The following ST6GALNAC3 variants were observed in gnomAD, a reference collection of about 807,000 sequenced individuals.
The protein encoded by ST6GALNAC3 is ST6 N-acetylgalactosaminide alpha-2,6-sialyltransferase 3.
ST6GALNAC3 carries 25 observed loss-of-function variants against 32.7 expected under a neutral mutation model. The observed-to-expected ratio is 0.76, with a 90% confidence interval of 0.56 to 1.07. The LOEUF (loss-of-function observed/expected upper bound fraction) is 1.07. ST6GALNAC3 is among the 50% of genes least tolerant of loss of function. ST6GALNAC3 has a pLI of 0.00. For synonymous variants in ST6GALNAC3, 129 were observed against 133.1 expected (o/e 0.97, Z 0.21); for missense variants, 355 against 382.4 (o/e 0.93, Z 0.60).
chr1:76,441,271 C>T (rs1264045939), intron 3 of ST6GALNAC3, among the ~76,000 whole-genome samples: 1 of 151,842 alleles, frequency 6.6e-6, no homozygotes, highest in Admixed American at 6.6e-5. Context: ...TATTATATTA[C>T]TTATGTAACG....
chr1:76,585,392 GAAAAA>G (rs11330040), intron 3 of ST6GALNAC3, among the ~76,000 whole-genome samples: 1 of 144,480 alleles, frequency 6.9e-6, no homozygotes, highest in Non-Finnish European at 1.5e-5. Context: ...TCTCAAAAAA[GAAAAA>G]AAAAAAAAAC....
intron 1 of ST6GALNAC3, among the ~76,000 whole-genome samples, chr1:76,094,501 C>CT (rs1409119914): frequency 6.6e-6 from 1 of 152,106 alleles, no homozygotes; most frequent in Admixed American, 6.6e-5. Flanking sequence ...AAGAAGAAAA[C>CT]TGAGGGACAG....
intron 1 of ST6GALNAC3, among the ~76,000 whole-genome samples, chr1:76,076,733 A>G (rs968713769): frequency 1.3e-5 from 2 of 152,244 alleles, no homozygotes; most frequent in South Asian, 2.1e-4. Context: ...TTTATAAAAT[A>G]CAAAATGTTT....
intron 2 of ST6GALNAC3, among the ~76,000 whole-genome samples, chr1:76,316,604 AATT>A (rs1425797502): frequency 1.3e-5 from 2 of 151,986 alleles, no homozygotes; most frequent in African/African-American, 4.8e-5. Context: ...AAAGCAAGGA[AATT>A]ATTATTATGA....
intron 3 of ST6GALNAC3, among the ~76,000 whole-genome samples, chr1:76,535,882 G>A (rs932241333): frequency 3.9e-5 from 6 of 151,968 alleles, no homozygotes; most frequent in African/African-American, 1.2e-4. Context: ...AATGGTATTG[G>A]TAATGGGCTG....
intron 3 of ST6GALNAC3, among the ~76,000 whole-genome samples, chr1:76,501,687 G>A (rs957934859): frequency 2.6e-5 from 4 of 152,188 alleles, no homozygotes; most frequent in African/African-American, 7.2e-5. Context: ...AAGGAAGAAC[G>A]AGGAACAAAG....
At chr1:76,230,357 T>C (rs572910474) in intron 1 of ST6GALNAC3, among the ~76,000 whole-genome samples, 1 of 152,320 alleles carries the variant, frequency 6.6e-6, no homozygotes, top group Non-Finnish European at 1.5e-5. Flanking sequence ...ATTTGAGAAT[T>C]GTAATTATGG....
At chr1:76,350,151 A>G (rs1448212622) in intron 2 of ST6GALNAC3, among the ~76,000 whole-genome samples, 1 of 152,140 alleles carries the variant, frequency 6.6e-6, no homozygotes, top group Non-Finnish European at 1.5e-5. Context: ...TCAAGAGAAA[A>G]CCTAGCTCAT....
chr1:76,336,496 G>T (rs1376794246), intron 2 of ST6GALNAC3, among the ~76,000 whole-genome samples: 3 of 152,156 alleles, frequency 2.0e-5, no homozygotes, highest in African/African-American at 7.2e-5. Flanking sequence ...TGGAATCTGA[G>T]CACATTGGGC....
downstream of ST6GALNAC3, among the ~76,000 whole-genome samples, chr1:76,634,910 G>A (rs1277772017): frequency 4.7e-5 from 2 of 42,296 alleles, no homozygotes; most frequent in African/African-American, 1.9e-4. Context: ...CGTTTTAGCC[G>A]GGATGGTCTC....
intron 2 of ST6GALNAC3, among the ~76,000 whole-genome samples, chr1:76,378,985 C>T (rs1435150164): frequency 6.6e-6 from 1 of 152,252 alleles, no homozygotes; most frequent in Non-Finnish European, 1.5e-5. Context: ...CAACCTCTGC[C>T]GCCCGAGCGG....
At chr1:76,330,368 G>T (rs1446852811) in intron 2 of ST6GALNAC3, among the ~76,000 whole-genome samples, 2 of 152,084 alleles carry the variant, frequency 1.3e-5, no homozygotes, top group South Asian at 2.1e-4. Flanking sequence ...GGTGAGGCTG[G>T]TGTCAAATCA....
intron 3 of ST6GALNAC3, among the ~76,000 whole-genome samples, chr1:76,599,358 G>A (rs1647184442): frequency 6.6e-6 from 1 of 151,978 alleles, no homozygotes; most frequent in African/African-American, 2.4e-5. Context: ...GTATACATGT[G>A]GCATGGTGGT....
chr1:76,075,560 T>C (rs1646804130), intron 1 of ST6GALNAC3, among the ~76,000 whole-genome samples: 1 of 152,210 alleles, frequency 6.6e-6, no homozygotes, highest in Admixed American at 6.5e-5. Flanking sequence ...CCCTTCTTTG[T>C]TGAGTTTTCT....
intron 1 of ST6GALNAC3, among the ~76,000 whole-genome samples, chr1:76,249,796 G>A (rs1019514347): frequency 1.4e-4 from 22 of 152,222 alleles, no homozygotes; most frequent in Non-Finnish European, 8.8e-5. Context: ...TTATTTTAGC[G>A]ATGTCAGTGA....
intron 3 of ST6GALNAC3, among the ~76,000 whole-genome samples, chr1:76,457,651 T>C (rs868666530): frequency 0.027 from 4,147 of 152,104 alleles, 87 homozygotes; most frequent in Admixed American, 0.067. Flanking sequence ...CCCTATTTAA[T>C]AAATGGTGCT....
Position 76,170,887 on chromosome 1 carries a change from T to A in ST6GALNAC3, c.18+96003T>A, listed in dbSNP as rs139882186. Among the ~76,000 whole-genome samples the A allele has an allele frequency of 1.4e-3, 210 of 152,288 alleles. 2 individuals carry two copies. The highest frequency in any genetic ancestry group is 4.9e-3 in the African/African-American group (204 of 41,558). Reference sequence around the variant, plus strand: ...TGTGGTCTCTCAGGAGTGAATAATATGAGTTTTTAAACATTTTCCAAGAAA... The same window carrying A: ...TGTGGTCTCTCAGGAGTGAATAATAAGAGTTTTTAAACATTTTCCAAGAAA... On this transcript the variant is annotated intron_variant, in intron 1 of 4. Coordinates refer to ENST00000328299, the MANE Select transcript of ST6GALNAC3 (RefSeq NM_152996.4).
chr1:76,147,111 G>T (rs1650735882), intron 1 of ST6GALNAC3, among the ~76,000 whole-genome samples: 1 of 147,522 alleles, frequency 6.8e-6, no homozygotes, highest in Non-Finnish European at 1.5e-5. Flanking sequence ...CTCCCAGGCT[G>T]GAGTACAATG....
At chr1:76,126,453 T>TTTGTTCCTTCCTTC (rs59791532) in intron 1 of ST6GALNAC3, among the ~76,000 whole-genome samples, 4 of 146,114 alleles carry the variant, frequency 2.7e-5, no homozygotes, top group African/African-American at 5.0e-5. Context: ...CCTTCCTTCC[T>TTTGTTCCTTCCTTC]CTCTCTCTGT....
Sources: allele counts gnomAD v4.1 joint callset (sites outside exome capture counted in the v4.1 genomes callset), GRCh38; gene constraint gnomAD v4.1.1; transcripts MANE v1.5; gene names NCBI Gene and HGNC (gene_info 2026-07-23, HGNC 2026-07-21).